Variants in SERGEF observed in about 807,000 individuals in gnomAD.
The protein encoded by SERGEF is secretion-regulating guanine nucleotide exchange factor.
Under a neutral mutation model 50.0 loss-of-function variants are expected in SERGEF, and 51 were observed. The ratio of observed to expected loss-of-function variants is 1.02; its 90% CI spans 0.81 to 1.29. SERGEF has a LOEUF of 1.29. Among genes scored for constraint, SERGEF ranks in the 50% most tolerant of loss-of-function variants. The pLI, the probability that SERGEF is intolerant of heterozygous loss-of-function variation, is 0.00. For synonymous variants in SERGEF, 205 were observed against 212.4 expected, an observed-to-expected ratio of 0.97 and a Z score of 0.30; for missense variants, 521 against 557.0, an observed-to-expected ratio of 0.94 and a Z score of 0.65.
intron 10 of SERGEF, among the ~76,000 whole-genome samples, chr11:17,814,945 C>T (rs4756922): frequency 6.6e-6 from 1 of 152,156 alleles, no homozygotes; most frequent in South Asian, 2.1e-4. Flanking sequence ...CTTTGGGAGG[C>T]TGAGGTGGGA....
At chr11:17,952,642 G>A (rs1031810164) in intron 9 of SERGEF, among the ~76,000 whole-genome samples, 1 of 152,102 alleles carries the variant, frequency 6.6e-6, no homozygotes, top group African/African-American at 2.4e-5. Flanking sequence ...TCTATTCAAG[G>A]TACTGGGCTT....
intron 9 of SERGEF, among the ~76,000 whole-genome samples, chr11:17,925,873 GTGA>G (rs1852240260): frequency 6.6e-6 from 1 of 152,184 alleles, no homozygotes; most frequent in Non-Finnish European, 1.5e-5. Flanking sequence ...TACCAGCTGT[GTGA>G]TCTTGGGCAA....
Position 17,862,937 on chromosome 11 carries a change from G to A in SERGEF, c.1048+15271C>T, listed in dbSNP as rs569517262. 3.3e-4 allele frequency among the ~76,000 whole-genome samples: 51 copies of A among 152,334 alleles called. 1 individual carries two copies. In the South Asian group the frequency reaches 9.1e-3, roughly 27 times the overall value. ...CAAACAAGTACCATCAGTAATGCTA[G>A]CTCTGCTGTTGCTTTTTCCTGTCTT... is the stretch of plus-strand genomic sequence containing the variant. On this transcript the variant is annotated intron_variant, in intron 10 of 10. Transcript: ENST00000265965.
chr11:17,897,529 A>G (rs564866327), intron 9 of SERGEF, among the ~76,000 whole-genome samples: 1 of 152,330 alleles, frequency 6.6e-6, no homozygotes, highest in Admixed American at 6.5e-5. Context: ...CAACCATATA[A>G]TGGAATACCA....
intron 3 of SERGEF, among the ~76,000 whole-genome samples, chr11:18,005,840 AG>A (rs201814098): frequency 1.1e-3 from 172 of 150,814 alleles, no homozygotes; most frequent in Middle Eastern, 3.4e-3. Flanking sequence ...TAACACATTT[AG>A]AAAAAAAAAA....
chr11:17,871,358 G>A (rs1352138247), intron 10 of SERGEF, among the ~76,000 whole-genome samples: 1 of 151,942 alleles, frequency 6.6e-6, no homozygotes, highest in East Asian at 1.9e-4. Context: ...CTACTCGGGA[G>A]GCTGAGGCAG....
intron 10 of SERGEF, among the ~76,000 whole-genome samples, chr11:17,849,567 A>G (rs1411839503): frequency 6.6e-6 from 1 of 152,032 alleles, no homozygotes; most frequent in Non-Finnish European, 1.5e-5. Context: ...TGTACCTTCT[A>G]TATCTACAGT....
chr11:17,956,233 A>C (rs945448389), intron 9 of SERGEF, among the ~76,000 whole-genome samples: 3 of 152,256 alleles, frequency 2.0e-5, no homozygotes. Flanking sequence ...CACTTAGGGC[A>C]TTAGAGACCC....
chr11:17,820,838 A>AGAG (rs1286686661), intron 10 of SERGEF, among the ~76,000 whole-genome samples: 1 of 152,208 alleles, frequency 6.6e-6, no homozygotes, highest in Non-Finnish European at 1.5e-5. Context: ...CACAGACAAA[A>AGAG]GAGGAGGAGG....
chr11:17,833,157 T>C (rs1042024336), intron 10 of SERGEF, among the ~76,000 whole-genome samples: 5 of 152,144 alleles, frequency 3.3e-5, no homozygotes, highest in Admixed American at 6.5e-5. Flanking sequence ...AAATATTATT[T>C]TGTGGGCTGG....
At chr11:17,899,799 T>A (rs544138077) in intron 9 of SERGEF, among the ~76,000 whole-genome samples, 54 of 151,234 alleles carry the variant, frequency 3.6e-4, no homozygotes, top group African/African-American at 1.3e-3. Context: ...TAAAAAAAAA[T>A]TAAAAAATTA....
intron 8 of SERGEF, 43 bp downstream of exon 8, chr11:17,988,554 C>G (rs1023842426): frequency 7.5e-6 from 12 of 1,599,614 alleles, no homozygotes; most frequent in South Asian, 5.6e-5. Flanking sequence ...CAGCTGTCCC[C>G]CAGCTGCTCT....
At chr11:17,966,361 T>G (rs1259208951) in intron 8 of SERGEF, among the ~76,000 whole-genome samples, 1 of 152,196 alleles carries the variant, frequency 6.6e-6, no homozygotes, top group African/African-American at 2.4e-5. Flanking sequence ...TCAGGCCTAA[T>G]CCTGGCTTCT....
At chr11:17,790,219 A>G (rs1452868506) in intron 10 of SERGEF, among the ~76,000 whole-genome samples, 1 of 152,172 alleles carries the variant, frequency 6.6e-6, no homozygotes, top group East Asian at 1.9e-4. Flanking sequence ...AGTAACCACT[A>G]TTTGAAGTTG....
intron 7 of SERGEF, among the ~76,000 whole-genome samples, chr11:17,990,788 A>G (rs1427126234): frequency 6.7e-6 from 1 of 148,984 alleles, no homozygotes. Context: ...TTTTTTTGAG[A>G]CGGAGTCTTG....
At chr11:17,823,564 C>T (rs559801409) in intron 10 of SERGEF, among the ~76,000 whole-genome samples, 1 of 152,130 alleles carries the variant, frequency 6.6e-6, no homozygotes, top group East Asian at 1.9e-4. Context: ...GGGAACAGGG[C>T]TGGGGGCAAG....
intron 10 of SERGEF, among the ~76,000 whole-genome samples, chr11:17,790,024 C>T (rs1271868328): frequency 6.6e-6 from 1 of 152,166 alleles, no homozygotes; most frequent in Non-Finnish European, 1.5e-5. Flanking sequence ...AAATAATTTT[C>T]TTCTCAAGAT....
intron 9 of SERGEF, 81 bp from the exon 10 acceptor site, chr11:17,878,325 C>A: frequency 8.9e-7 from 1 of 1,128,376 alleles, no homozygotes; most frequent in Non-Finnish European, 1.3e-6. Context: ...TTTCTAATGA[C>A]ACTAACATCC....
chr11:17,982,430 C>T (rs1253915175), intron 8 of SERGEF, among the ~76,000 whole-genome samples: 1 of 152,136 alleles, frequency 6.6e-6, no homozygotes, highest in Non-Finnish European at 1.5e-5. Flanking sequence ...AAAAAGTATC[C>T]ATTTCAAAAC....
Sources: allele counts gnomAD v4.1 joint callset (sites outside exome capture counted in the v4.1 genomes callset), GRCh38; gene constraint gnomAD v4.1.1; transcripts MANE v1.5; gene names NCBI Gene and HGNC (gene_info 2026-07-23, HGNC 2026-07-21).